NPAS3: variants seen among roughly 807,000 people sequenced by gnomAD.
The protein encoded by NPAS3 is neuronal PAS domain protein 3.
Under a neutral mutation model 73.1 loss-of-function variants are expected in NPAS3, and 14 were observed. The observed-to-expected ratio is 0.19, with a 90% CI of 0.13 to 0.30. NPAS3 has a LOEUF of 0.30. Among genes scored for constraint, NPAS3 ranks in the 10% least tolerant of loss-of-function variants. The pLI, the probability that NPAS3 is intolerant of heterozygous loss-of-function variation, is 1.00. For synonymous variants in NPAS3, 620 were observed against 541.5 expected, an observed-to-expected ratio of 1.14 and a Z score of -2.01; for missense variants, 1,096 against 1,250.0, an observed-to-expected ratio of 0.88 and a Z score of 1.86.
chr14:33,737,736 C>T (rs1595528329), intron 7 of NPAS3, among the ~76,000 whole-genome samples: 2 of 152,242 alleles, frequency 1.3e-5, no homozygotes, highest in South Asian at 4.2e-4. Context: ...GAATAACATC[C>T]CTATTTATCT....
At chr14:33,601,690 G>A (rs148413297) in intron 5 of NPAS3, among the ~76,000 whole-genome samples, 127 of 152,264 alleles carry the variant, frequency 8.3e-4, no homozygotes, top group African/African-American at 2.8e-3. Context: ...CTGAATGTGC[G>A]TGCTCAAATA....
At chr14:33,052,614 A>G (rs1351435443) in intron 1 of NPAS3, among the ~76,000 whole-genome samples, 1 of 152,172 alleles carries the variant, frequency 6.6e-6, no homozygotes, top group Non-Finnish European at 1.5e-5. Flanking sequence ...ACCAGGTGGA[A>G]CTCAGCTTAG....
intron 6 of NPAS3, among the ~76,000 whole-genome samples, chr14:33,718,099 A>G (rs1310410724): frequency 6.6e-6 from 1 of 152,100 alleles, no homozygotes; most frequent in Non-Finnish European, 1.5e-5. Flanking sequence ...GCAACGCCAA[A>G]CCAGCAGCTG....
chr14:33,713,100 A>G (rs2060867412), intron 6 of NPAS3, among the ~76,000 whole-genome samples: 1 of 152,178 alleles, frequency 6.6e-6, no homozygotes, highest in Non-Finnish European at 1.5e-5. Flanking sequence ...AAGCCAAGCC[A>G]CACACTCAAA....
intron 2 of NPAS3, among the ~76,000 whole-genome samples, chr14:33,080,256 C>T (rs984990331): frequency 7.9e-5 from 12 of 151,768 alleles, no homozygotes; most frequent in Admixed American, 6.6e-5. Flanking sequence ...TACAGGCGCC[C>T]GCCACCACGC....
intron 4 of NPAS3, among the ~76,000 whole-genome samples, chr14:33,465,737 G>C (rs529629813): frequency 6.6e-6 from 1 of 151,734 alleles, no homozygotes; most frequent in African/African-American, 2.4e-5. Context: ...ATTTCCTTTC[G>C]CAAAACATGC....
At position 33,744,678 on chromosome 14, in the gene NPAS3, T is replaced by G. The variant is rs2061742838; in HGVS notation, c.852+9346T>G. On this transcript the variant is annotated intron_variant, in intron 7 of 11. Coordinates refer to ENST00000356141, the Ensembl canonical transcript of NPAS3. ...AGTGGTGCCTGCCTGTGGTCTCAGC[T>G]ACTCAGGAGGCTGAGGCAGGAGGAC... 2.0e-5 allele frequency among the ~76,000 whole-genome samples: 3 copies of G among 152,052 alleles called. No homozygotes were observed. In the South Asian group the frequency reaches 6.2e-4, roughly 32 times the overall value.
intron 4 of NPAS3, among the ~76,000 whole-genome samples, chr14:33,458,315 T>G (rs903240170): frequency 6.6e-6 from 1 of 152,246 alleles, no homozygotes; most frequent in South Asian, 2.1e-4. Context: ...CAGTTTTTCT[T>G]TCATGTCACA....
intron 1 of NPAS3, among the ~76,000 whole-genome samples, chr14:33,037,066 A>G (rs2040193318): frequency 6.6e-6 from 1 of 152,320 alleles, no homozygotes; most frequent in Admixed American, 6.5e-5. Flanking sequence ...TTTAGATACC[A>G]TCACTCTTGA....
chr14:32,990,227 T>A (rs1347591055), intron 1 of NPAS3, among the ~76,000 whole-genome samples: 1 of 152,186 alleles, frequency 6.6e-6, no homozygotes, highest in African/African-American at 2.4e-5. Context: ...ATGAAAATAA[T>A]GGAATGTATT....
intron 2 of NPAS3, among the ~76,000 whole-genome samples, chr14:33,209,815 T>A (rs557123649): frequency 6.6e-6 from 1 of 152,334 alleles, no homozygotes; most frequent in East Asian, 1.9e-4. Flanking sequence ...CCTGCCATGC[T>A]CTTTTATGAA....
At chr14:33,517,100 A>G (rs2053339340) in intron 4 of NPAS3, among the ~76,000 whole-genome samples, 1 of 152,092 alleles carries the variant, frequency 6.6e-6, no homozygotes, top group African/African-American at 2.4e-5. Flanking sequence ...GGTATTCACT[A>G]TTGGCATCCT....
chr14:33,101,036 T>G (rs1282894535), intron 2 of NPAS3, among the ~76,000 whole-genome samples: 1 of 152,130 alleles, frequency 6.6e-6, no homozygotes, highest in Non-Finnish European at 1.5e-5. Flanking sequence ...TGTAATGCTG[T>G]GTTCCTAGTT....
intron 3 of NPAS3, among the ~76,000 whole-genome samples, chr14:33,310,226 A>G (rs1268989694): frequency 6.6e-6 from 1 of 152,170 alleles, no homozygotes; most frequent in Non-Finnish European, 1.5e-5. Flanking sequence ...TCTAATTTAT[A>G]GCCTGTGGAT....
intron 3 of NPAS3, among the ~76,000 whole-genome samples, chr14:33,225,759 T>C (rs897462416): frequency 1.3e-5 from 2 of 152,164 alleles, no homozygotes; most frequent in African/African-American, 4.8e-5. Context: ...CAGGCTAGAT[T>C]AGACCTGCAT....
chr14:33,140,467 C>T (rs963496041), intron 2 of NPAS3, among the ~76,000 whole-genome samples: 1 of 152,062 alleles, frequency 6.6e-6, no homozygotes. Flanking sequence ...TATCCTTTCC[C>T]GTTACTCACT....
At chr14:33,328,704 G>T (rs745455890) in intron 3 of NPAS3, among the ~76,000 whole-genome samples, 2 of 151,612 alleles carry the variant, frequency 1.3e-5, no homozygotes, top group African/African-American at 4.8e-5. Flanking sequence ...TGATCCTCCC[G>T]CTTTGGCCTC....
chr14:33,137,544 T>C (rs111389424), intron 2 of NPAS3, among the ~76,000 whole-genome samples: 2,725 of 152,282 alleles, frequency 0.018, 80 homozygotes, highest in African/African-American at 0.062. Flanking sequence ...TCAATATATG[T>C]GTGAGTACAA....
At chr14:33,643,375 TAAAAA>T (rs755879056) in intron 5 of NPAS3, among the ~76,000 whole-genome samples, 18 of 94,664 alleles carry the variant, frequency 1.9e-4, no homozygotes, top group South Asian at 4.2e-4. Context: ...AAATAAAAAT[TAAAAA>T]AAAAAAAAAA....
Sources: gnomAD v4.1 joint callset for allele counts (sites outside exome capture counted in the v4.1 genomes callset) on GRCh38, gnomAD v4.1.1 for gene constraint, MANE v1.5 for transcripts, NCBI Gene and HGNC (gene_info 2026-07-23, HGNC 2026-07-21) for gene names.